The following GRM5 variants were observed in gnomAD, a reference collection of about 807,000 sequenced individuals.
GRM5 encodes the protein metabotropic glutamate receptor 5.
GRM5 carries 19 observed loss-of-function variants against 83.1 expected under a neutral mutation model. The observed-to-expected ratio is 0.23, with a 90% CI of 0.16 to 0.34. The LOEUF is 0.34. Among genes scored for constraint, GRM5 ranks in the 10% least tolerant of loss-of-function variants. GRM5 has a pLI of 1.00. For missense variants in GRM5, 1,160 were observed against 1,588.3 expected (o/e 0.73, Z 4.58); for synonymous variants, 675 against 633.6 (o/e 1.07, Z -0.98).
At chr11:88,993,756 C>G (rs1591030092) in intron 2 of GRM5, among the ~76,000 whole-genome samples, 1 of 152,124 alleles carries the variant, frequency 6.6e-6, no homozygotes, top group African/African-American at 2.4e-5. Context: ...GGGTCTCACT[C>G]TGTTGTCCAG....
At chr11:88,679,615 TATG>T (rs139777718) in intron 3 of GRM5, among the ~76,000 whole-genome samples, 4,806 of 152,208 alleles carry the variant, frequency 0.032, 238 homozygotes, top group African/African-American at 0.11. Context: ...TAGCTTCACA[TATG>T]ATAATATCCT....
At chr11:88,824,731 C>T (rs970348667) in intron 3 of GRM5, among the ~76,000 whole-genome samples, 3 of 152,146 alleles carry the variant, frequency 2.0e-5, no homozygotes, top group Admixed American at 6.5e-5. Context: ...TGCTGTGTTG[C>T]CTGGTTCCTA....
intron 7 of GRM5, among the ~76,000 whole-genome samples, chr11:88,573,854 G>T (rs536765411): frequency 1.1e-4 from 17 of 152,098 alleles, no homozygotes; most frequent in Non-Finnish European, 2.5e-4. Context: ...ATGTTGAACT[G>T]GGATCACAGG....
intron 4 of GRM5, among the ~76,000 whole-genome samples, chr11:88,648,875 T>C (rs1269920071): frequency 1.3e-5 from 2 of 150,176 alleles, no homozygotes; most frequent in East Asian, 3.9e-4. Context: ...AGCGGTGTAA[T>C]TGGATAGTAG....
At chr11:88,604,568 T>C (rs1938089275) in intron 5 of GRM5, 150 bp downstream of exon 5, 3 of 679,938 alleles carry the variant, frequency 4.4e-6, no homozygotes, top group Non-Finnish European at 7.4e-6. Context: ...GGGCTTCTTC[T>C]CTCTATCTTT....
chr11:88,663,009 C>T (rs1499040), intron 3 of GRM5, among the ~76,000 whole-genome samples: 23,678 of 152,186 alleles, frequency 0.16, 1,947 homozygotes, highest in East Asian at 0.21. Context: ...AAATAATACA[C>T]GCATTTTTCT....
chr11:88,900,609 T>C (rs184735428), intron 2 of GRM5, among the ~76,000 whole-genome samples: 1 of 152,300 alleles, frequency 6.6e-6, no homozygotes, highest in African/African-American at 2.4e-5. Flanking sequence ...AATGGCCTTC[T>C]GTATGGAACT....
At chr11:88,996,740 A>G (rs571977530) in intron 2 of GRM5, among the ~76,000 whole-genome samples, 2 of 152,344 alleles carry the variant, frequency 1.3e-5, no homozygotes, top group African/African-American at 4.8e-5. Flanking sequence ...TGGAACATAC[A>G]CTAAGATAGA....
chr11:88,998,978 G>C (rs1940281877), intron 2 of GRM5, among the ~76,000 whole-genome samples: 1 of 152,062 alleles, frequency 6.6e-6, no homozygotes, highest in African/African-American at 2.4e-5. Flanking sequence ...ACAAAAACAA[G>C]AAATGGGGAA....
intron 3 of GRM5, among the ~76,000 whole-genome samples, chr11:88,705,088 T>C (rs1184744683): frequency 2.0e-5 from 3 of 152,124 alleles, no homozygotes; most frequent in Non-Finnish European, 2.9e-5. Context: ...CTACATATGT[T>C]ATAGGTAAGA....
At chr11:88,790,928 A>G (rs1404154393) in intron 3 of GRM5, among the ~76,000 whole-genome samples, 1 of 152,230 alleles carries the variant, frequency 6.6e-6, no homozygotes, top group East Asian at 1.9e-4. Flanking sequence ...GAAATTTATA[A>G]CAGTTAGAAT....
intron 2 of GRM5, among the ~76,000 whole-genome samples, chr11:88,888,040 C>G (rs1039722250): frequency 6.6e-6 from 1 of 152,102 alleles, no homozygotes; most frequent in African/African-American, 2.4e-5. Context: ...GTTCTTCTAC[C>G]TCCACCATCT....
At chr11:88,688,687 C>T (rs920071244) in intron 3 of GRM5, among the ~76,000 whole-genome samples, 2 of 152,080 alleles carry the variant, frequency 1.3e-5, no homozygotes, top group Admixed American at 6.5e-5. Context: ...TATTTATTCA[C>T]TATTGTCAAA....
intron 2 of GRM5, among the ~76,000 whole-genome samples, chr11:89,042,468 C>T (rs989854515): frequency 6.6e-6 from 1 of 152,134 alleles, no homozygotes; most frequent in Non-Finnish European, 1.5e-5. Context: ...CCGTAAAATA[C>T]AGAAGATTAA....
At chr11:88,773,962 A>G (rs1591505600) in intron 3 of GRM5, among the ~76,000 whole-genome samples, 2 of 152,200 alleles carry the variant, frequency 1.3e-5, no homozygotes, top group Non-Finnish European at 2.9e-5. Context: ...TATGAACTTT[A>G]AAGTAGTTTC....
chr11:88,758,438 T>A (rs1408927976), intron 3 of GRM5, among the ~76,000 whole-genome samples: 1 of 152,108 alleles, frequency 6.6e-6, no homozygotes, highest in African/African-American at 2.4e-5. Flanking sequence ...CATAATGCAA[T>A]TGCAAGTACT....
chr11:88,937,318 A>G (rs1420982533), intron 2 of GRM5, among the ~76,000 whole-genome samples: 1 of 151,774 alleles, frequency 6.6e-6, no homozygotes, highest in Non-Finnish European at 1.5e-5. Context: ...ATAGAGTATG[A>G]AAAACTTATA....
At chr11:88,594,356 G>A (rs1227050656) in intron 6 of GRM5, among the ~76,000 whole-genome samples, 1 of 152,038 alleles carries the variant, frequency 6.6e-6, no homozygotes, top group South Asian at 2.1e-4. Context: ...TTTGTACAAA[G>A]GACCAAATTG....
chr11:88,604,133 C>T (rs1420176681), intron 5 of GRM5, among the ~76,000 whole-genome samples: 1 of 151,764 alleles, frequency 6.6e-6, no homozygotes, highest in Admixed American at 6.6e-5. Context: ...GGGGACTGAC[C>T]TATACTTATG....
Sources: allele counts gnomAD v4.1 joint callset (sites outside exome capture counted in the v4.1 genomes callset), GRCh38; gene constraint gnomAD v4.1.1; transcripts MANE v1.5; gene names NCBI Gene and HGNC (gene_info 2026-07-23, HGNC 2026-07-21).